FARSB: variants seen among roughly 807,000 people sequenced by gnomAD.
The protein encoded by FARSB is phenylalanine--tRNA ligase beta subunit.
FARSB carries 40 observed loss-of-function variants against 69.6 expected under a neutral mutation model. The observed-to-expected ratio is 0.57, with a 90% CI of 0.45 to 0.75. The LOEUF is 0.75. Ranked by LOEUF, FARSB falls within the 30% of genes least tolerant of loss-of-function variation. The pLI is 0.00. For synonymous variants in FARSB, 235 were observed against 247.2 expected, an observed-to-expected ratio of 0.95 and a Z score of 0.46; for missense variants, 632 against 722.9, an observed-to-expected ratio of 0.87 and a Z score of 1.44.
At chr2:222,582,901 G>C in intron 16 of FARSB, among the ~76,000 whole-genome samples, 1 of 151,324 alleles carries the variant, frequency 6.6e-6, no homozygotes, top group East Asian at 1.9e-4. Flanking sequence ...CTCCAGCCTG[G>C]CAGACAGAGC....
chr2:222,646,374 G>A (rs961118226), intron 2 of FARSB, among the ~76,000 whole-genome samples: 3 of 152,124 alleles, frequency 2.0e-5, no homozygotes, highest in African/African-American at 4.8e-5. Context: ...TTTCCATATC[G>A]CACAGTTTTT....
At chr2:222,627,449 GTTGC>G (rs1691308461) in intron 10 of FARSB, among the ~76,000 whole-genome samples, 1 of 152,194 alleles carries the variant, frequency 6.6e-6, no homozygotes, top group African/African-American at 2.4e-5. Flanking sequence ...AGATCATCCA[GTTGC>G]TAGCCAACCA....
At chr2:222,584,340 C>T (rs536953884) in intron 16 of FARSB, among the ~76,000 whole-genome samples, 45 of 152,122 alleles carry the variant, frequency 3.0e-4, no homozygotes, top group Admixed American at 1.0e-3. Context: ...CCAATTCCCC[C>T]CAAAAAAGTT....
intron 13 of FARSB, among the ~76,000 whole-genome samples, chr2:222,620,185 G>C (rs539125802): frequency 6.6e-6 from 1 of 152,198 alleles, no homozygotes; most frequent in African/African-American, 2.4e-5. Context: ...AGCCTCACCT[G>C]CTACCATTCC....
At chr2:222,633,101 T>C (rs758131546) in intron 7 of FARSB, 98 bp downstream of exon 7, 21 of 740,500 alleles carry the variant, frequency 2.8e-5, no homozygotes, top group Non-Finnish European at 4.6e-5. Flanking sequence ...TTATGAGTTA[T>C]TTGAATTTGA....
At chr2:222,634,591 G>C in intron 5 of FARSB, 50 bp from the exon 6 acceptor site, 1 of 1,440,420 alleles carries the variant, frequency 6.9e-7, no homozygotes, top group Non-Finnish European at 9.5e-7. Context: ...GAAAGGAGGA[G>C]AATGAGACAG....
Position 222,588,992 on chromosome 2 carries a change from C to T in FARSB, c.1618+10936G>A, listed in dbSNP as rs185981493. 3.5e-3 allele frequency among the ~76,000 whole-genome samples: 534 copies of T among 152,226 alleles called. 1 individual carries two copies. The highest frequency in any genetic ancestry group is 5.1e-3 in the Non-Finnish European group (346 of 68,022). On this transcript the variant is annotated intron_variant, in intron 16 of 16. Transcript: ENST00000281828. ...ATCAAGCTACCAATGACTTTCTTCA[C>T]GGATTTGGAAAAAACTACTTTAAAG...
At chr2:222,619,242 G>T (rs1691078118) in intron 14 of FARSB, among the ~76,000 whole-genome samples, 1 of 150,166 alleles carries the variant, frequency 6.7e-6, no homozygotes, top group Non-Finnish European at 1.5e-5. Flanking sequence ...GGAGGCAGAG[G>T]TTGCAGTGAG....
intron 16 of FARSB, among the ~76,000 whole-genome samples, chr2:222,594,881 G>A (rs1480560671): frequency 1.3e-5 from 2 of 152,172 alleles, no homozygotes; most frequent in Non-Finnish European, 2.9e-5. Context: ...AACAAGGCAG[G>A]GCTAAGTGAC....
chr2:222,625,716 A>T (rs1221053728), intron 10 of FARSB, among the ~76,000 whole-genome samples: 1 of 152,260 alleles, frequency 6.6e-6, no homozygotes, highest in East Asian at 1.9e-4. Flanking sequence ...AACAGTTATT[A>T]TGAGCTGAAC....
At chr2:222,598,158 C>G (rs1690470222) in intron 16 of FARSB, among the ~76,000 whole-genome samples, 1 of 152,186 alleles carries the variant, frequency 6.6e-6, no homozygotes, top group Non-Finnish European at 1.5e-5. Flanking sequence ...CACTTTCTTC[C>G]TCTTCGGAAA....
At chr2:222,615,738 T>C (rs1690979437) in intron 14 of FARSB, among the ~76,000 whole-genome samples, 1 of 152,214 alleles carries the variant, frequency 6.6e-6, no homozygotes, top group Admixed American at 6.5e-5. Flanking sequence ...CTAAATGGAA[T>C]TGTTAGATTG....
chr2:222,610,991 T>C (rs1690835016), intron 15 of FARSB, among the ~76,000 whole-genome samples: 1 of 152,152 alleles, frequency 6.6e-6, no homozygotes, highest in Non-Finnish European at 1.5e-5. Context: ...AGATGACAAG[T>C]AGGGAATCCA....
intron 16 of FARSB, among the ~76,000 whole-genome samples, chr2:222,597,583 C>A (rs545325393): frequency 3.9e-5 from 6 of 152,282 alleles, no homozygotes; most frequent in African/African-American, 1.2e-4. Flanking sequence ...AAAAACCTGA[C>A]TTTTAAGCAG....
At chr2:222,603,843 C>A (rs995470576) in intron 15 of FARSB, among the ~76,000 whole-genome samples, 3 of 151,152 alleles carry the variant, frequency 2.0e-5, no homozygotes, top group African/African-American at 7.3e-5. Context: ...TAGGGTACAC[C>A]CAAAAACATT....
At chr2:222,587,223 A>C (rs1194895249) in intron 16 of FARSB, among the ~76,000 whole-genome samples, 1 of 152,212 alleles carries the variant, frequency 6.6e-6, no homozygotes, top group East Asian at 1.9e-4. Context: ...CCACACAACT[A>C]CATGGAAACT....
chr2:222,595,227 T>C (rs1442071461), intron 16 of FARSB, among the ~76,000 whole-genome samples: 1 of 152,232 alleles, frequency 6.6e-6, no homozygotes, highest in African/African-American at 2.4e-5. Flanking sequence ...CAGAATGTTT[T>C]GTATAAATCA....
chr2:222,576,378 A>T (rs932881328), intron 16 of FARSB, among the ~76,000 whole-genome samples: 1 of 152,030 alleles, frequency 6.6e-6, no homozygotes, highest in Non-Finnish European at 1.5e-5. Context: ...TAAGAACAAA[A>T]TATAAAGGGG....
chr2:222,613,084 G>A (rs544735930), intron 15 of FARSB, among the ~76,000 whole-genome samples: 60 of 152,316 alleles, frequency 3.9e-4, no homozygotes, highest in African/African-American at 1.3e-3. Context: ...TCAAGTTGAG[G>A]TTTTAACAGT....
Sources: allele counts gnomAD v4.1 joint callset (sites outside exome capture counted in the v4.1 genomes callset), GRCh38; gene constraint gnomAD v4.1.1; transcripts MANE v1.5; gene names NCBI Gene and HGNC (gene_info 2026-07-23, HGNC 2026-07-21).